Variants in PHC1 observed in about 807,000 individuals in gnomAD.
PHC1 encodes polyhomeotic-like protein 1.
In PHC1, 12 loss-of-function variants were observed where a neutral mutation model predicts 104.3. The observed-to-expected ratio is 0.12, with a 90% CI of 0.07 to 0.19. PHC1 has a LOEUF of 0.19. Among genes scored for constraint, PHC1 ranks in the 10% least tolerant of loss-of-function variants. The pLI, the probability that PHC1 is intolerant of heterozygous loss-of-function variation, is 1.00. For synonymous variants in PHC1, 302 were observed against 455.8 expected (o/e 0.66, Z 4.30); for missense variants, 671 against 1,200.0 (o/e 0.56, Z 6.51).
At chr12:8,938,102 A>C in intron 14 of PHC1, 42 bp downstream of exon 14, 1 of 1,387,284 alleles carries the variant, frequency 7.2e-7, no homozygotes, top group Non-Finnish European at 1.0e-6. Flanking sequence ...TGTTTTCCTT[A>C]ACATCATCCC....
intron 4 of PHC1, 117 bp from the exon 5 acceptor site, chr12:8,921,484 G>T: frequency 1.1e-6 from 1 of 885,944 alleles, no homozygotes. Flanking sequence ...ATTTCCCCCG[G>T]CTCCATGAAA....
rs1365565355 is a variant in PHC1 at position 8,919,350 on chromosome 12, C to T, written c.115-406C>T. On this transcript the variant is annotated intron_variant, in intron 2 of 14. Transcript: ENST00000544916. The surrounding 1 kb of genome is among the most constrained non-coding windows in gnomAD (Gnocchi z 4.9). ...TGCTGGGATTACAGGCAGGAGCCACCACGCCTGGCTCAGAAAGATCTCTTG... is the reference window on the plus strand; with the variant it reads ...TGCTGGGATTACAGGCAGGAGCCACTACGCCTGGCTCAGAAAGATCTCTTG... Among the ~76,000 whole-genome samples the T allele has an allele frequency of 1.3e-5, 2 of 152,064 alleles. No individual in the cohort carries two copies. The highest frequency in any genetic ancestry group is 6.6e-5 in the Admixed American group (1 of 15,264).
chr12:8,926,338 C>T (rs1042089951), intron 6 of PHC1, among the ~76,000 whole-genome samples: 1 of 152,168 alleles, frequency 6.6e-6, no homozygotes, highest in Admixed American at 6.5e-5. Flanking sequence ...CTGGAGAGGC[C>T]GGGCACAGTG....
chr12:8,930,452 A>G lies in PHC1; in HGVS notation c.630A>G (p.Val210=), dbSNP rs748270095. Reference sequence around the variant, plus strand: ...TCTTTCAGGTTCAGAACTTGGCAGTAAGGAATCAACAGGCCTCAGCTCAAG... The same window carrying G: ...TCTTTCAGGTTCAGAACTTGGCAGTGAGGAATCAACAGGCCTCAGCTCAAG... The part of the protein sequence containing the change: ...ADADQVQNLA[V]RNQQASAQGP... The change falls in exon 7 of 15, where the codon GTA becomes GTG. Residue 210 remains valine (V), a synonymous_variant. Coordinates refer to ENST00000544916, the MANE Select transcript of PHC1 (RefSeq NM_004426.3). 3.7e-6 allele frequency: 6 copies of G among 1,606,316 alleles called. No homozygotes were observed. In the African/African-American group the frequency reaches 6.7e-5, roughly 18 times the overall value.
At chr12:8,928,399 C>T (rs1198336265) in intron 6 of PHC1, among the ~76,000 whole-genome samples, 1 of 148,914 alleles carries the variant, frequency 6.7e-6, no homozygotes, top group Non-Finnish European at 1.5e-5. Flanking sequence ...TCATGACACT[C>T]TCTCACTGTT....
chr12:8,938,889 A>C (rs1389304345), intron 14 of PHC1, among the ~76,000 whole-genome samples: 2 of 152,068 alleles, frequency 1.3e-5, no homozygotes, highest in Admixed American at 6.5e-5. Flanking sequence ...CTGTGGCATG[A>C]ATTTTGGCAC....
intron 6 of PHC1, among the ~76,000 whole-genome samples, chr12:8,928,431 AATTT>A (rs1945591255): frequency 1.3e-5 from 2 of 152,112 alleles, no homozygotes; most frequent in Non-Finnish European, 2.9e-5. Context: ...AACCTGTTAA[AATTT>A]ATTTACTCTG....
chr12:8,917,992 A>G (rs1194572363), intron 2 of PHC1, among the ~76,000 whole-genome samples: 3 of 152,248 alleles, frequency 2.0e-5, no homozygotes, highest in East Asian at 1.9e-4. Flanking sequence ...TGGTCTTTCA[A>G]ATAAGGATTT....
At chr12:8,922,535 T>C in intron 5 of PHC1, 98 bp from the exon 6 acceptor site, 2 of 1,060,912 alleles carry the variant, frequency 1.9e-6, no homozygotes, top group Non-Finnish European at 2.8e-6. Context: ...CTGTTTAATA[T>C]CTTCTGTTTA....
chr12:8,920,049 A>C, intron 3 of PHC1, 183 bp downstream of exon 3: 1 of 915,052 alleles, frequency 1.1e-6, no homozygotes, highest in Non-Finnish European at 1.6e-6. Context: ...AAGAACCGTA[A>C]AATCACTTTT....
At chr12:8,914,044 C>A (rs1005835660), upstream of PHC1, 2 of 152,756 alleles carry the variant, frequency 1.3e-5, no homozygotes, top group Non-Finnish European at 2.9e-5. Context: ...CATTTCTTTT[C>A]CCAGTCTATC....
chr12:8,920,432 G>A (rs1343008001), intron 3 of PHC1, among the ~76,000 whole-genome samples: 1 of 152,228 alleles, frequency 6.6e-6, no homozygotes, highest in Non-Finnish European at 1.5e-5. Flanking sequence ...TTCTAGCTGG[G>A]CGTGGTGGCT....
upstream of PHC1, among the ~76,000 whole-genome samples, chr12:8,914,133 T>C (rs1283149423): frequency 6.6e-6 from 1 of 152,026 alleles, no homozygotes; most frequent in African/African-American, 2.4e-5. Flanking sequence ...CTACCCCTTA[T>C]TCCCAGCAGC....
chr12:8,937,272 C>T lies in PHC1; in HGVS notation c.2574C>T (p.Pro858=). The T allele has an allele frequency of 6.2e-7, 1 of 1,612,222 alleles. No homozygotes were observed. Among genetic ancestry groups the T allele is most frequent in the African/African-American group, 1.3e-5 (1 of 74,942 alleles). ...ANYARVRRRG[P]RRSSSDIARA... ...ATGCTCGCGTTCGCAGGCGTGGACC[C>T]CGCCGCAGCTCCTCTGACATTGCCC... is the stretch of plus-strand genomic sequence containing the variant. The change falls in exon 13 of 15, where the codon CCC becomes CCT. Residue 858 remains proline (P), a synonymous_variant. Coordinates refer to ENST00000544916, the MANE Select transcript of PHC1 (RefSeq NM_004426.3).
chr12:8,938,740 CCT>C (rs1945917973), intron 14 of PHC1, among the ~76,000 whole-genome samples: 1 of 152,122 alleles, frequency 6.6e-6, no homozygotes, highest in South Asian at 2.1e-4. Flanking sequence ...CTCCCTTTCC[CCT>C]GTCTCTAAGC....
chr12:8,933,400 C>G (rs777495614), intron 8 of PHC1, 50 bp downstream of exon 8: 14 of 1,481,076 alleles, frequency 9.5e-6, no homozygotes, highest in Non-Finnish European at 1.3e-5. Flanking sequence ...TGAGAGTGGA[C>G]CTGGGCTAAG....
At chr12:8,920,279 T>C (rs1945324343) in intron 3 of PHC1, among the ~76,000 whole-genome samples, 1 of 152,220 alleles carries the variant, frequency 6.6e-6, no homozygotes, top group South Asian at 2.1e-4. Flanking sequence ...ATAAAATAAA[T>C]TATGAAAGTT....
Position 8,939,370 on chromosome 12 carries a change from AAAG to A in PHC1, c.2932_2934del (p.Glu978del). 6.2e-7 allele frequency: 1 copy of A among 1,601,464 alleles called. No individual in the cohort carries two copies. The highest frequency in any genetic ancestry group is 1.7e-5 in the Admixed American group (1 of 59,564). On this transcript the variant is annotated inframe_deletion, in exon 15 of 15. Coordinates refer to ENST00000544916, the MANE Select transcript of PHC1 (RefSeq NM_004426.3). ...TGATGGACAGGCCCTTTTATTACTT[AAAG>A]AAGAACATCTTATGAGTGCCATGAA...
At chr12:8,925,020 A>G (rs190352636) in intron 6 of PHC1, among the ~76,000 whole-genome samples, 19 of 152,296 alleles carry the variant, frequency 1.2e-4, no homozygotes, top group Non-Finnish European at 2.5e-4. Flanking sequence ...TTCCATATCC[A>G]GTTCTTTGAT....
Sources: gnomAD v4.1 joint callset for allele counts (sites outside exome capture counted in the v4.1 genomes callset) on GRCh38, gnomAD v4.1.1 for gene constraint, Gnocchi (gnomAD v3.1) non-coding constraint, MANE v1.5 for transcripts, NCBI Gene and HGNC (gene_info 2026-07-23, HGNC 2026-07-21) for gene names.